Variants in SP100 observed in about 807,000 individuals in gnomAD.
SP100 encodes the protein nuclear autoantigen Sp-100.
SP100 carries 84 observed loss-of-function variants against 130.0 expected under a neutral mutation model. The observed-to-expected ratio is 0.65, with a 90% CI of 0.54 to 0.77. The LOEUF is 0.77. Ranked by LOEUF, SP100 falls within the 30% of genes least tolerant of loss-of-function variation. SP100 has a pLI of 0.00. For synonymous variants in SP100, 331 were observed against 351.7 expected (o/e 0.94, Z 0.66); for missense variants, 978 against 1,052.2 (o/e 0.93, Z 0.97).
chr2:230,521,875 A>C (rs1274557083), intron 24 of SP100, among the ~76,000 whole-genome samples: 1 of 152,202 alleles, frequency 6.6e-6, no homozygotes, highest in East Asian at 1.9e-4. Flanking sequence ...CCACATCTGC[A>C]TCTGGATAGA....
chr2:230,540,966 G>C lies in SP100; in HGVS notation c.2301G>C (p.Leu767=), dbSNP rs1018575847. The stretch of plus-strand genomic sequence containing the variant: ...CAGGTCATCAGGAATCTGAAGTCCT[G>C]ATGAGGCAGATGCTGCCTGAGGAGC... The part of the protein sequence containing the change: ...SQSGHQESEV[L]MRQMLPEEQL... The change falls in exon 26 of 29, where the codon CTG becomes CTC. Residue 767 remains leucine, a synonymous_variant. Transcript: ENST00000340126. 12 of 1,613,368 alleles carry C rather than the reference G, an allele frequency of 7.4e-6. No homozygotes were observed. The highest frequency in any genetic ancestry group is 9.3e-6 in the Non-Finnish European group (11 of 1,179,422).
At chr2:230,425,451 T>A (rs186195832) in intron 2 of SP100, among the ~76,000 whole-genome samples, 72 of 151,456 alleles carry the variant, frequency 4.8e-4, no homozygotes, top group African/African-American at 1.7e-3. Flanking sequence ...ATTTGTTAAA[T>A]GTTTTTTATC....
chr2:230,473,585 G>C (rs1455872722), intron 16 of SP100, 145 bp downstream of exon 16: 1 of 540,132 alleles, frequency 1.9e-6, no homozygotes, highest in Admixed American at 2.9e-5. Flanking sequence ...CAGGCCCCAA[G>C]CTTCAGAATT....
At chr2:230,471,709 A>G (rs999486643) in intron 15 of SP100, among the ~76,000 whole-genome samples, 1 of 152,188 alleles carries the variant, frequency 6.6e-6, no homozygotes, top group African/African-American at 2.4e-5. Flanking sequence ...GAGCGAAAAG[A>G]AAAAGAAGAG....
At chr2:230,537,660 T>G (rs954840421) in intron 24 of SP100, 2 of 152,156 alleles carry the variant, frequency 1.3e-5, no homozygotes, top group African/African-American at 4.8e-5. Context: ...GTAATGTGGG[T>G]TTTCAACCTT....
chr2:230,457,562 G>T (rs1179555184), intron 8 of SP100, among the ~76,000 whole-genome samples: 1 of 152,178 alleles, frequency 6.6e-6, no homozygotes, highest in African/African-American at 2.4e-5. Context: ...GCAAAGTCTG[G>T]TGCTCACTTC....
In SP100 at chr2:230,465,920, C is replaced by T. The variant is rs551403325; in HGVS notation, c.1142-381C>T. On this transcript the variant is annotated intron_variant, in intron 11 of 28. Transcript: ENST00000340126. Reference sequence around the variant, plus strand: ...TTGTTATTGGCAGGGCACGATGGCTCAGGTCTGTAATCCCAGCATTTTGGG... The same window carrying T: ...TTGTTATTGGCAGGGCACGATGGCTTAGGTCTGTAATCCCAGCATTTTGGG... Among the ~76,000 whole-genome samples, 62 of 152,158 alleles carry T rather than the reference C, an allele frequency of 4.1e-4. 1 individual carries two copies. Among genetic ancestry groups the T allele is most frequent in the African/African-American group, 1.4e-3 (60 of 41,512 alleles).
chr2:230,466,248 A>G, intron 11 of SP100, 53 bp from the exon 12 acceptor site: 8 of 1,006,024 alleles, frequency 8.0e-6, no homozygotes, highest in Non-Finnish European at 1.2e-5. Context: ...GTTGTCATAG[A>G]ATTTATAAGT....
At chr2:230,540,161 A>C (rs569031276) in intron 25 of SP100, among the ~76,000 whole-genome samples, 5 of 152,248 alleles carry the variant, frequency 3.3e-5, no homozygotes, top group Admixed American at 1.3e-4. Context: ...CTATCTCTGC[A>C]CCAGAGATGC....
intron 24 of SP100, among the ~76,000 whole-genome samples, chr2:230,525,859 T>A (rs1691397707): frequency 6.6e-6 from 1 of 152,190 alleles, no homozygotes; most frequent in African/African-American, 2.4e-5. Flanking sequence ...CACCCACCAT[T>A]GCTAAGGCTT....
intron 4 of SP100, among the ~76,000 whole-genome samples, chr2:230,445,442 T>C (rs905646243): frequency 6.6e-6 from 1 of 152,130 alleles, no homozygotes; most frequent in Admixed American, 6.5e-5. Flanking sequence ...CTTAGATCAA[T>C]TGGAGGAAGA....
chr2:230,462,416 T>C lies in SP100; in HGVS notation c.974-19T>C, dbSNP rs749360704. 36 of 1,603,698 alleles carry C rather than the reference T, an allele frequency of 2.2e-5. No homozygotes were observed. In the South Asian group the frequency reaches 3.1e-4, roughly 14 times the overall value. Reference sequence around the variant, plus strand: ...GGTCACACCCTGAGACTCTTAATGGTTTTTGCTCCTTTGTGCAGTCATCAG... The same window carrying C: ...GGTCACACCCTGAGACTCTTAATGGCTTTTGCTCCTTTGTGCAGTCATCAG... On this transcript the variant is annotated intron_variant, in intron 9 of 28. Coordinates refer to ENST00000340126, the MANE Select transcript of SP100 (RefSeq NM_001080391.2).
chr2:230,455,481 A>G (rs1054020053), intron 8 of SP100, among the ~76,000 whole-genome samples: 3 of 152,116 alleles, frequency 2.0e-5, no homozygotes, highest in Non-Finnish European at 4.4e-5. Context: ...ATCTTTTTCT[A>G]TCTTTTCACT....
chr2:230,448,978 C>G (rs1031209087), intron 5 of SP100, 110 bp from the exon 6 acceptor site: 15 of 763,954 alleles, frequency 2.0e-5, no homozygotes, highest in Non-Finnish European at 3.1e-5. Flanking sequence ...GCATTGAGAC[C>G]TAGAAGGGGT....
At chr2:230,464,030 C>T in intron 10 of SP100, 37 bp from the exon 11 acceptor site, 2 of 1,355,450 alleles carry the variant, frequency 1.5e-6, no homozygotes, top group Non-Finnish European at 1.1e-6. Context: ...CTTGGTCACA[C>T]ACTGAGACCT....
chr2:230,505,253 T>C (rs1689990706), intron 21 of SP100, among the ~76,000 whole-genome samples: 3 of 152,158 alleles, frequency 2.0e-5, no homozygotes, highest in African/African-American at 7.2e-5. Flanking sequence ...CCATCTCCTC[T>C]TACCCTATGT....
At chr2:230,542,359 A>G (rs1435687220) in intron 28 of SP100, among the ~76,000 whole-genome samples, 1 of 152,186 alleles carries the variant, frequency 6.6e-6, no homozygotes, top group Non-Finnish European at 1.5e-5. Context: ...CTTTAAAGGC[A>G]TTTAAAGTGT....
chr2:230,515,625 A>T (rs1553644466), intron 24 of SP100: 9 of 1,602,090 alleles, frequency 5.6e-6, no homozygotes, highest in East Asian at 2.2e-5. Context: ...AAAATGAAGA[A>T]GATGATGATA....
Position 230,494,423 on chromosome 2 carries a change from G to A in SP100, c.1608G>A (p.Lys536=). The change falls in exon 18 of 29, where the codon AAG becomes AAA. Residue 536 remains lysine (K), a synonymous_variant. Transcript: ENST00000340126. The stretch of plus-strand genomic sequence containing the variant: ...TTTCTTTTCTGTTTGCAGGAAAAAA[G>A]AGAAGGCATAGATCTAAAGTAAATG... ...LEKHSGKRRK[K]RRHRSKVNGL... 6.2e-7 allele frequency: 1 copy of A among 1,604,158 alleles called. No individual in the cohort carries two copies. The highest frequency in any genetic ancestry group is 8.5e-7 in the Non-Finnish European group (1 of 1,171,244).
Sources: gnomAD v4.1 joint callset for allele counts (sites outside exome capture counted in the v4.1 genomes callset) on GRCh38, gnomAD v4.1.1 for gene constraint, MANE v1.5 for transcripts, NCBI Gene and HGNC (gene_info 2026-07-23, HGNC 2026-07-21) for gene names.